The following C1orf105 variants were observed in gnomAD, a reference collection of about 807,000 sequenced individuals.
The protein encoded by C1orf105 is chromosome 1 open reading frame 105.
C1orf105 carries 17 observed loss-of-function variants against 20.8 expected under a neutral mutation model. The ratio of observed to expected loss-of-function variants is 0.82; its 90% CI spans 0.56 to 1.23. The LOEUF (loss-of-function observed/expected upper bound fraction) is 1.23, where lower values mean the gene tolerates loss of function less well. Ranked by LOEUF, C1orf105 falls within the 50% of genes most tolerant of loss-of-function variation. The probability of loss-of-function intolerance (pLI) is 0.00; values close to 1 mark genes in which losing one functional copy is unlikely to be tolerated. For synonymous variants in C1orf105, 72 were observed against 72.1 expected, an observed-to-expected ratio of 1.00 and a Z score of 0.01; for missense variants, 219 against 213.5, an observed-to-expected ratio of 1.03 and a Z score of -0.16.
chr1:172,456,977 TG>T (rs1431286687), intron 4 of C1orf105, among the ~76,000 whole-genome samples: 1 of 152,186 alleles, frequency 6.6e-6, no homozygotes, highest in African/African-American at 2.4e-5. Context: ...CGGTGTCACC[TG>T]CTTTGGGTAT....
In C1orf105 at chr1:172,431,959, G is replaced by T. The variant is rs576826201; in HGVS notation, c.21+11053G>T. Among the ~76,000 whole-genome samples, 47 of 152,366 alleles carry T rather than the reference G, an allele frequency of 3.1e-4. 1 individual carries two copies. The highest frequency in any genetic ancestry group is 9.6e-4 in the African/African-American group (40 of 41,604). ...TTCTCTCTCGTGCTTGGCTTGGTGG[G>T]TCCCATGCCCATGGGGCCTTGCTCA... is the stretch of plus-strand genomic sequence containing the variant. On this transcript the variant is annotated intron_variant, in intron 1 of 6. Coordinates refer to ENST00000367727, the MANE Select transcript of C1orf105 (RefSeq NM_139240.4).
rs114710829 is a variant in C1orf105 at position 172,460,364 on chromosome 1, T to A, written c.274-1814T>A. Reference sequence around the variant, plus strand: ...CAGAAGAAATACCTGCTGACAGTTATGGTTGTGAATCACCAGTGATATTTG... The same window carrying A: ...CAGAAGAAATACCTGCTGACAGTTAAGGTTGTGAATCACCAGTGATATTTG... On this transcript the variant is annotated intron_variant, in intron 4 of 6. Transcript: ENST00000367727. 6.7e-3 allele frequency among the ~76,000 whole-genome samples: 1,019 copies of A among 152,204 alleles called. 15 individuals carry two copies. Among genetic ancestry groups the A allele is most frequent in the African/African-American group, 0.023 (973 of 41,524 alleles).
intron 1 of C1orf105, among the ~76,000 whole-genome samples, chr1:172,426,688 A>T (rs2071731876): frequency 6.6e-6 from 1 of 151,456 alleles, no homozygotes; most frequent in Admixed American, 6.6e-5. Context: ...TCTCATCTCT[A>T]TATCCTATCT....
At chr1:172,438,755 T>A (rs2072122799) in intron 1 of C1orf105, among the ~76,000 whole-genome samples, 1 of 152,202 alleles carries the variant, frequency 6.6e-6, no homozygotes, top group Non-Finnish European at 1.5e-5. Flanking sequence ...TACAGAGAAA[T>A]CTTTCTTGAA....
chr1:172,428,112 A>G (rs761968541), intron 1 of C1orf105, among the ~76,000 whole-genome samples: 5 of 152,164 alleles, frequency 3.3e-5, no homozygotes, highest in Non-Finnish European at 5.9e-5. Context: ...ACCTTAATTT[A>G]TAACTCTTCT....
At chr1:172,462,636 A>G (rs934371548) in intron 5 of C1orf105, among the ~76,000 whole-genome samples, 1 of 152,228 alleles carries the variant, frequency 6.6e-6, no homozygotes, top group Non-Finnish European at 1.5e-5. Context: ...GCTACGTTTT[A>G]GTAACTAAAA....
chr1:172,458,053 T>C (rs1457217257), intron 4 of C1orf105, among the ~76,000 whole-genome samples: 1 of 152,084 alleles, frequency 6.6e-6, no homozygotes, highest in Non-Finnish European at 1.5e-5. Context: ...ATAAAAAGAC[T>C]CCTAGGAATA....
intron 1 of C1orf105, among the ~76,000 whole-genome samples, chr1:172,444,670 G>GT (rs541170004): frequency 1.3e-5 from 2 of 152,124 alleles, no homozygotes; most frequent in Non-Finnish European, 2.9e-5. Flanking sequence ...TCAAAGCTTG[G>GT]TTTTTTTCCT....
intron 5 of C1orf105, among the ~76,000 whole-genome samples, chr1:172,463,538 T>G (rs1455839826): frequency 6.6e-6 from 1 of 152,220 alleles, no homozygotes; most frequent in Non-Finnish European, 1.5e-5. Flanking sequence ...TTACCTGTAC[T>G]GACTCTACAT....
rs187651071 is a variant in C1orf105 at position 172,455,165 on chromosome 1, T to C, written c.199-1250T>C. Among the ~76,000 whole-genome samples, 12 of 152,310 alleles carry C rather than the reference T, an allele frequency of 7.9e-5. No homozygotes were observed. The East Asian group carries it at 2.3e-3, about 29-fold the overall frequency. ...ATAAAAATGAAGTGTATTTTAAATGTTTCTCAAAAGAATCCAACTTTGTTA... is the reference window on the plus strand; with the variant it reads ...ATAAAAATGAAGTGTATTTTAAATGCTTCTCAAAAGAATCCAACTTTGTTA... On this transcript the variant is annotated intron_variant, in intron 3 of 6. Coordinates refer to ENST00000367727, the MANE Select transcript of C1orf105 (RefSeq NM_139240.4).
chr1:172,465,612 G>A (rs1217651139), intron 6 of C1orf105: 1 of 624,288 alleles, frequency 1.6e-6, no homozygotes, highest in South Asian at 1.5e-5. Context: ...CCCAGGATCT[G>A]TCCACAACAT....
rs946382570 is a variant in C1orf105 at position 172,444,993 on chromosome 1, A to G, written c.22-80A>G. ...GTAAAGTGTTCACTATATGGCTGCT[A>G]TTAGCTGACTTTGGCCATCGTAATG... On this transcript the variant is annotated intron_variant, in intron 1 of 6. Coordinates refer to ENST00000367727, the MANE Select transcript of C1orf105 (RefSeq NM_139240.4). 28 of 1,142,292 alleles carry G rather than the reference A, an allele frequency of 2.5e-5. No individual in the cohort carries two copies. In the African/African-American group the frequency reaches 3.7e-4, roughly 15 times the overall value. The allele number at this position is 1,142,292 out of a possible 1,614,324, so 70.8% of individuals were successfully genotyped here. A position where few individuals can be genotyped will look rare whatever the true frequency, so the allele number is the denominator to read the frequency against.
At chr1:172,426,822 T>G (rs78511694) in intron 1 of C1orf105, among the ~76,000 whole-genome samples, 3 of 152,348 alleles carry the variant, frequency 2.0e-5, no homozygotes, top group Non-Finnish European at 2.9e-5. Context: ...TTAAATTGAA[T>G]GGTCAATCAT....
intron 4 of C1orf105, among the ~76,000 whole-genome samples, chr1:172,460,053 T>C (rs1649578136): frequency 6.6e-6 from 1 of 151,620 alleles, no homozygotes; most frequent in Non-Finnish European, 1.5e-5. Context: ...GAGGAGTGAG[T>C]GAGAAGCAAT....
chr1:172,464,274 G>C (rs2149194325), intron 5 of C1orf105, among the ~76,000 whole-genome samples: 1 of 152,268 alleles, frequency 6.6e-6, no homozygotes, highest in Non-Finnish European at 1.5e-5. Flanking sequence ...AAGGGGTTTT[G>C]CTTTCTCTTT....
chr1:172,442,083 G>A (rs1192140933), intron 1 of C1orf105: 1 of 1,614,220 alleles, frequency 6.2e-7, no homozygotes, highest in Non-Finnish European at 8.5e-7. Context: ...AGATGGCCAT[G>A]TTCAAGGATA....
At position 172,456,491 on chromosome 1, in the gene C1orf105, T is replaced by C; in HGVS notation, c.273+2T>C. ...TCCACATGTCAAGAAATGAAAATGG[T>C]AGGCAAGGGGGAAGACAGAAATGGG... On this transcript the variant is annotated splice_donor_variant, in intron 4 of 6. Coordinates refer to ENST00000367727, the MANE Select transcript of C1orf105 (RefSeq NM_139240.4). LOFTEE classifies it high-confidence loss of function. The C allele has an allele frequency of 6.2e-7, 1 of 1,612,768 alleles. No individual in the cohort carries two copies.
At chr1:172,432,160 G>C (rs2071893289) in intron 1 of C1orf105, among the ~76,000 whole-genome samples, 1 of 152,210 alleles carries the variant, frequency 6.6e-6, no homozygotes, top group Non-Finnish European at 1.5e-5. Context: ...TCTGTAGGCA[G>C]GACATAGCTG....
chr1:172,467,695 G>A (rs7522692), intron 6 of C1orf105, among the ~76,000 whole-genome samples: 118,468 of 152,014 alleles, frequency 0.78, 46,476 homozygotes, highest in East Asian at 1. Flanking sequence ...ATCCTGTAAC[G>A]TCTCTAGCTC....
Sources: allele counts gnomAD v4.1 joint callset (sites outside exome capture counted in the v4.1 genomes callset), GRCh38; gene constraint gnomAD v4.1.1; transcripts MANE v1.5; gene names NCBI Gene and HGNC (gene_info 2026-07-23, HGNC 2026-07-21).